Variants in GRK4 observed in about 807,000 individuals in gnomAD.
GRK4 encodes the protein G protein-coupled receptor kinase 4.
In GRK4, 73 loss-of-function variants were observed where a neutral mutation model predicts 77.9. That is an observed-to-expected ratio of 0.94 (90% CI 0.78 to 1.14). The LOEUF is 1.14. Ranked by LOEUF, GRK4 falls within the 50% of genes most tolerant of loss-of-function variation. GRK4 has a pLI of 0.00. For synonymous variants in GRK4, 257 were observed against 254.4 expected (o/e 1.01, Z -0.10); for missense variants, 729 against 700.2 (o/e 1.04, Z -0.46).
chr4:3,013,315 G>C (rs1733453402), intron 7 of GRK4, among the ~76,000 whole-genome samples: 1 of 152,064 alleles, frequency 6.6e-6, no homozygotes. Flanking sequence ...GCCTCCCAAA[G>C]TGCTGGGATT....
intron 10 of GRK4, among the ~76,000 whole-genome samples, chr4:3,022,695 C>CT (rs796534694): frequency 9.9e-5 from 15 of 151,390 alleles, no homozygotes; most frequent in African/African-American, 2.9e-4. Context: ...TTTTAGAAGC[C>CT]TTTTTTTTTA....
At chr4:2,968,824 C>T (rs1718573915) in intron 1 of GRK4, among the ~76,000 whole-genome samples, 2 of 152,106 alleles carry the variant, frequency 1.3e-5, no homozygotes, top group Admixed American at 1.3e-4. Context: ...CACGGTCACT[C>T]CTGTGACAGA....
chr4:2,966,730 T>C (rs920297659), intron 1 of GRK4: 1 of 152,242 alleles, frequency 6.6e-6, no homozygotes, highest in African/African-American at 2.4e-5. Flanking sequence ...AGCTCCTTGT[T>C]TAGCTTCACT....
chr4:3,004,929 G>A lies in GRK4; in HGVS notation c.443+595G>A, dbSNP rs1239388082. 2.0e-5 allele frequency among the ~76,000 whole-genome samples: 3 copies of A among 152,028 alleles called. No homozygotes were observed. In the East Asian group the frequency reaches 5.8e-4, roughly 29 times the overall value. On this transcript the variant is annotated intron_variant, in intron 5 of 15. Coordinates refer to ENST00000398052, the MANE Select transcript of GRK4 (RefSeq NM_182982.3). ...TTACTTCCTCTAGAAAGAGGTGAAT[G>A]AAGAGTAATAATTCCATGTACACAC...
chr4:2,980,836 C>T (rs1268958684), intron 1 of GRK4, among the ~76,000 whole-genome samples: 1 of 152,242 alleles, frequency 6.6e-6, no homozygotes, highest in Admixed American at 6.5e-5. Flanking sequence ...CACTGGGCTC[C>T]TTCCACCCAC....
intron 2 of GRK4, among the ~76,000 whole-genome samples, chr4:2,987,824 T>C (rs1190136991): frequency 6.6e-6 from 1 of 151,872 alleles, no homozygotes; most frequent in East Asian, 1.9e-4. Context: ...GCCGGTAATC[T>C]CAGCACTTTG....
intron 1 of GRK4, among the ~76,000 whole-genome samples, chr4:2,979,664 G>A (rs1722293965): frequency 6.6e-6 from 1 of 152,176 alleles, no homozygotes; most frequent in Non-Finnish European, 1.5e-5. Context: ...GGTGAGCCAA[G>A]ATCACACCAT....
In GRK4 at chr4:2,992,245, C is replaced by T. The variant is rs1364672968; in HGVS notation, c.292C>T (p.Arg98Ter). The stretch of plus-strand genomic sequence containing the variant: ...ATATGAAGTTGCCGATGATGAGGAC[C>T]GAAGTGATTGTGGACTGTCAATCTT... Reference protein sequence around the residue: ...AEYEVADDEDRSDCGLSILDR... With the variant: ...AEYEVADDED The change falls in exon 4 of 16, where the codon CGA becomes TGA. Residue 98 changes from arginine to a stop codon, truncating the protein, a stop_gained. Transcript: ENST00000398052. LOFTEE classifies it high-confidence loss of function. 4.3e-6 allele frequency: 7 copies of T among 1,610,438 alleles called. No homozygotes were observed. In the East Asian group the frequency reaches 8.9e-5, roughly 21 times the overall value.
At chr4:3,012,902 A>G (rs7441672) in intron 7 of GRK4, among the ~76,000 whole-genome samples, 146,215 of 152,086 alleles carry the variant, frequency 0.96, 70,339 homozygotes, top group East Asian at 1. Flanking sequence ...AGCGCTTTGG[A>G]AGGCCAAAGT....
chr4:2,968,789 G>T (rs573021754), intron 1 of GRK4, among the ~76,000 whole-genome samples: 7 of 152,130 alleles, frequency 4.6e-5, no homozygotes, highest in Non-Finnish European at 1.0e-4. Context: ...TTAGACAGGG[G>T]GCTGCTGATT....
intron 8 of GRK4, among the ~76,000 whole-genome samples, chr4:3,015,420 T>G (rs1025246557): frequency 6.6e-6 from 1 of 152,178 alleles, no homozygotes; most frequent in Non-Finnish European, 1.5e-5. Flanking sequence ...GCGCGGTGGC[T>G]CACGCCTGTA....
intron 2 of GRK4, chr4:2,985,783 G>T (rs1724132927): frequency 7.4e-6 from 2 of 271,358 alleles, no homozygotes. Flanking sequence ...CGGATCACGA[G>T]ATCAGGAGAT....
intron 12 of GRK4, among the ~76,000 whole-genome samples, chr4:3,034,050 C>T (rs537773284): frequency 4.6e-5 from 7 of 152,302 alleles, no homozygotes; most frequent in South Asian, 4.1e-4. Flanking sequence ...GCAATAATGG[C>T]GCGTCCAAAT....
intron 1 of GRK4, among the ~76,000 whole-genome samples, chr4:2,970,362 A>G (rs1416017550): frequency 6.6e-6 from 1 of 152,176 alleles, no homozygotes; most frequent in Non-Finnish European, 1.5e-5. Flanking sequence ...CACTGATACT[A>G]TAAAATAATA....
Position 3,028,504 on chromosome 4 carries a change from G to A in GRK4, c.1060+503G>A, listed in dbSNP as rs73792174. Among the ~76,000 whole-genome samples the A allele has an allele frequency of 9.9e-3, 1,501 of 152,304 alleles. 23 individuals carry two copies. The highest frequency in any genetic ancestry group is 0.035 in the African/African-American group (1,435 of 41,570). Reference sequence around the variant, plus strand: ...ACTGCCCTGGGATAGATGGCAAGACGTGACACTTGGGGCGCCCTGGGCATG... The same window carrying A: ...ACTGCCCTGGGATAGATGGCAAGACATGACACTTGGGGCGCCCTGGGCATG... On this transcript the variant is annotated intron_variant, in intron 11 of 15. Coordinates refer to ENST00000398052, the MANE Select transcript of GRK4 (RefSeq NM_182982.3).
chr4:2,976,866 C>T lies in GRK4; in HGVS notation c.53-7647C>T, dbSNP rs374430427. The stretch of plus-strand genomic sequence containing the variant: ...GTTGGTCAGGCTGGTCTCAAACTGC[C>T]GACCTCAGGTGATCTGTCCACCCCG... On this transcript the variant is annotated intron_variant, in intron 1 of 15. Transcript: ENST00000398052. Among the ~76,000 whole-genome samples the T allele has an allele frequency of 3.2e-4, 48 of 152,142 alleles. No homozygotes were observed. In the South Asian group the frequency reaches 8.7e-3, roughly 28 times the overall value.
chr4:3,017,303 C>A (rs1734826793), intron 8 of GRK4, among the ~76,000 whole-genome samples: 1 of 152,120 alleles, frequency 6.6e-6, no homozygotes, highest in Admixed American at 6.6e-5. Flanking sequence ...TCTCCCTCCC[C>A]ATAGGCAGTC....
intron 1 of GRK4, among the ~76,000 whole-genome samples, chr4:2,984,219 C>A (rs1287651387): frequency 1.3e-5 from 2 of 152,114 alleles, no homozygotes; most frequent in Non-Finnish European, 2.9e-5. Context: ...TTGATAAATA[C>A]TTATAAGCAG....
intron 7 of GRK4, among the ~76,000 whole-genome samples, chr4:3,011,350 G>A (rs1371597975): frequency 6.6e-6 from 1 of 152,198 alleles, no homozygotes; most frequent in Non-Finnish European, 1.5e-5. Flanking sequence ...GGAGGCCAAG[G>A]TAGGCAGATC....
Sources: gnomAD v4.1 joint callset for allele counts (sites outside exome capture counted in the v4.1 genomes callset) on GRCh38, gnomAD v4.1.1 for gene constraint, MANE v1.5 for transcripts, NCBI Gene and HGNC (gene_info 2026-07-23, HGNC 2026-07-21) for gene names.